Variants in ZNF718 observed in about 807,000 individuals in gnomAD.
ZNF718 encodes zinc finger protein 718.
In ZNF718, 3 loss-of-function variants were observed where a neutral mutation model predicts 2.6. The observed-to-expected ratio is 1.16, with a 90% CI of 0.53 to 3.01. The LOEUF is 3.01. Among genes scored for constraint, ZNF718 ranks in the 30% most tolerant of loss-of-function variants. The probability of loss-of-function intolerance (pLI) is 0.03; values close to 1 mark genes in which losing one functional copy is unlikely to be tolerated. For missense variants in ZNF718, 468 were observed against 230.0 expected (o/e 2.03, Z -6.69); for synonymous variants, 135 against 77.9 (o/e 1.73, Z -3.86).
intron 3 of ZNF718, among the ~76,000 whole-genome samples, chr4:182,541 C>T (rs1717489402): frequency 6.6e-6 from 1 of 152,056 alleles, no homozygotes; most frequent in Non-Finnish European, 1.5e-5. Context: ...ATAAGCGATT[C>T]TTCTGCCTTA....
intron 3 of ZNF718, among the ~76,000 whole-genome samples, chr4:197,811 G>C (rs368253582): frequency 7.2e-5 from 11 of 152,120 alleles, no homozygotes; most frequent in African/African-American, 2.2e-4. Flanking sequence ...TCTCTTCCAT[G>C]GTGTTTCATT....
intron 3 of ZNF718, among the ~76,000 whole-genome samples, chr4:187,267 C>T (rs1338492311): frequency 6.6e-6 from 1 of 151,956 alleles, no homozygotes; most frequent in African/African-American, 2.4e-5. Flanking sequence ...CGCTCTGTAG[C>T]CCAAGCTGGA....
Position 164,005 on chromosome 4 carries a change from A to T in ZNF718, c.*1883A>T, listed in dbSNP as rs1161247146. On this transcript the variant is annotated 3_prime_UTR_variant, in exon 4 of 4. Coordinates refer to ENST00000510175, the MANE Select transcript of ZNF718 (RefSeq NM_001039127.6). ...ATCACCTCAAGCATTTATCCTTTGTATTACAAACAATCCAATTATACACTT... is the reference window on the plus strand; with the variant it reads ...ATCACCTCAAGCATTTATCCTTTGTTTTACAAACAATCCAATTATACACTT... 6.6e-6 allele frequency: 1 copy of T among 152,092 alleles called. No individual in the cohort carries two copies. Among genetic ancestry groups the T allele is most frequent in the Non-Finnish European group, 1.5e-5 (1 of 67,976 alleles). 9.4% of individuals were successfully genotyped at this position (152,092 alleles called of 1,614,324 possible).
intron 3 of ZNF718, among the ~76,000 whole-genome samples, chr4:177,001 T>G (rs535211690): frequency 3.3e-5 from 5 of 152,334 alleles, no homozygotes; most frequent in African/African-American, 1.2e-4. Context: ...CTCTGCAAAT[T>G]GGACCAGAAC....
chr4:173,653 ACC>A (rs1717289077), intron 3 of ZNF718, among the ~76,000 whole-genome samples: 1 of 152,158 alleles, frequency 6.6e-6, no homozygotes, highest in Non-Finnish European at 1.5e-5. Context: ...GCAGGTTTTT[ACC>A]CTATCCCAGG....
At chr4:150,483 A>G (rs1553812315) in intron 3 of ZNF718, among the ~76,000 whole-genome samples, 1 of 151,990 alleles carries the variant, frequency 6.6e-6, no homozygotes, top group Non-Finnish European at 1.5e-5. Flanking sequence ...TAGATTTCAT[A>G]TATGTGTAAG....
At chr4:140,907 TA>T (rs1401952646) in intron 3 of ZNF718, among the ~76,000 whole-genome samples, 1 of 152,248 alleles carries the variant, frequency 6.6e-6, no homozygotes, top group African/African-American at 2.4e-5. Context: ...AATAAAAATA[TA>T]AATGCCTTCA....
At chr4:201,726 T>A in exon 5 of ZNF718, 1 of 180,236 alleles carries the variant, frequency 5.5e-6, no homozygotes, top group Non-Finnish European at 1.3e-5. Flanking sequence ...CTCTGTAAAT[T>A]CTTGGAAAAG....
downstream of ZNF718, among the ~76,000 whole-genome samples, chr4:164,668 T>G (rs957828405): frequency 1.1e-4 from 17 of 152,186 alleles, no homozygotes; most frequent in Non-Finnish European, 2.4e-4. Flanking sequence ...AATGTGTGTG[T>G]TAAGTAACAT....
chr4:199,208 C>T (rs1446901633), intron 3 of ZNF718, among the ~76,000 whole-genome samples: 1 of 152,218 alleles, frequency 6.6e-6, no homozygotes, highest in Non-Finnish European at 1.5e-5. Flanking sequence ...AATAACTGTG[C>T]CTCCTAGGTT....
At chr4:187,025 A>G (rs1717579365) in intron 3 of ZNF718, among the ~76,000 whole-genome samples, 1 of 152,032 alleles carries the variant, frequency 6.6e-6, no homozygotes, top group Non-Finnish European at 1.5e-5. Flanking sequence ...GCCACTTCTT[A>G]TCTTTGTGGG....
chr4:138,492 G>A (rs1715672308), intron 3 of ZNF718, among the ~76,000 whole-genome samples: 1 of 152,090 alleles, frequency 6.6e-6, no homozygotes. Flanking sequence ...AAAGTACTCT[G>A]TTATGTATGT....
rs531208883 is a variant in ZNF718 at position 186,081 on chromosome 4, T to G, written c.227-15000T>G. ...TTATAGACTTGTTTATGTGGTTGCT[T>G]CATAGTGTCACTGGCTGACACTATG... On this transcript the variant is annotated intron_variant and NMD_transcript_variant, in intron 3 of 4. Coordinates refer to the ZNF718 transcript ENST00000642529. Among the ~76,000 whole-genome samples, 5 of 152,230 alleles carry G rather than the reference T, an allele frequency of 3.3e-5. No homozygotes were observed. The South Asian group carries it at 1.0e-3, about 32-fold the overall frequency.
intron 3 of ZNF718, among the ~76,000 whole-genome samples, chr4:137,482 G>A (rs1360278319): frequency 2.0e-5 from 3 of 152,010 alleles, no homozygotes; most frequent in Admixed American, 6.6e-5. Flanking sequence ...CAGTGCACAA[G>A]GGTTTCAATT....
At chr4:196,111 C>T (rs191055183) in intron 3 of ZNF718, among the ~76,000 whole-genome samples, 39 of 152,206 alleles carry the variant, frequency 2.6e-4, no homozygotes, top group African/African-American at 9.2e-4. Flanking sequence ...TTGCCTTAGA[C>T]CCAGTTCCAG....
intron 3 of ZNF718, among the ~76,000 whole-genome samples, chr4:199,044 G>C (rs1423005641): frequency 2.0e-5 from 3 of 152,244 alleles, no homozygotes; most frequent in African/African-American, 7.2e-5. Flanking sequence ...TAGCCACAGT[G>C]CAGTCCTGCT....
chr4:160,772 C>G (rs1327405971), intron 3 of ZNF718, 140 bp from the exon 4 acceptor site: 1 of 572,056 alleles, frequency 1.7e-6, no homozygotes. Context: ...AGGCTGGTCT[C>G]GAACTCCTTA....
chr4:159,106 G>A (rs190665695), intron 3 of ZNF718, among the ~76,000 whole-genome samples: 52 of 147,176 alleles, frequency 3.5e-4, no homozygotes, highest in South Asian at 1.1e-3. Flanking sequence ...GCGCGATCTT[G>A]GCTCACTGCA....
chr4:178,600 G>A (rs542961204), intron 3 of ZNF718, among the ~76,000 whole-genome samples: 1 of 152,248 alleles, frequency 6.6e-6, no homozygotes, highest in Admixed American at 6.5e-5. Flanking sequence ...TGGGTGAGAG[G>A]TAAGAGCTCA....
Sources: gnomAD v4.1 joint callset for allele counts (sites outside exome capture counted in the v4.1 genomes callset) on GRCh38, gnomAD v4.1.1 for gene constraint, MANE v1.5 for transcripts, NCBI Gene and HGNC (gene_info 2026-07-23, HGNC 2026-07-21) for gene names.